The following RYR2 variants were observed in gnomAD, a reference collection of about 807,000 sequenced individuals.
The protein encoded by RYR2 is cardiac muscle ryanodine receptor-calcium release channel.
A neutral mutation model predicts 601.1 loss-of-function variants in RYR2; 227 were observed. The ratio of observed to expected loss-of-function variants is 0.38; its 90% CI spans 0.34 to 0.42. The LOEUF (loss-of-function observed/expected upper bound fraction) is 0.42. Ranked by LOEUF, RYR2 falls within the 10% of genes least tolerant of loss-of-function variation. The probability of loss-of-function intolerance (pLI) is 1.00; values close to 1 mark genes in which losing one functional copy is unlikely to be tolerated. For missense variants in RYR2, 4,646 were observed against 6,156.5 expected, an observed-to-expected ratio of 0.75 and a Z score of 8.21; for synonymous variants, 2,223 against 2,175.1, an observed-to-expected ratio of 1.02 and a Z score of -0.61.
chr1:237,830,531 C>A lies in RYR2; in HGVS notation c.14657C>A (p.Thr4886Asn). 1 of 1,590,666 alleles carries A rather than the reference C, an allele frequency of 6.3e-7. No individual in the cohort carries two copies. The highest frequency in any genetic ancestry group is 8.6e-7 in the Non-Finnish European group (1 of 1,158,708). The change falls in exon 103 of 105, where the codon ACC (threonine) becomes AAC (asparagine). Residue 4886 changes from threonine (T) to asparagine (N), a missense_variant and splice_region_variant. Thr to Asn is a moderately conservative substitution (Grantham distance 65). Transcript: ENST00000366574. ...QQEQVKEDME[T>N]KCFICGIGND... is the part of the protein sequence containing the mutation. ...TTAATATTTCCCTTTGTTTTCTAGA[C>A]CAAATGCTTCATCTGTGGGATAGGC...
intron 58 of RYR2, among the ~76,000 whole-genome samples, chr1:237,671,073 T>C (rs1257588328): frequency 1.3e-5 from 2 of 152,182 alleles, no homozygotes; most frequent in African/African-American, 4.8e-5. Context: ...TATTCTGTAG[T>C]TGGGAAACTA....
chr1:237,169,622 T>C (rs999377099), intron 1 of RYR2, among the ~76,000 whole-genome samples: 4 of 152,140 alleles, frequency 2.6e-5, no homozygotes, highest in Non-Finnish European at 4.4e-5. Flanking sequence ...AAATACACTT[T>C]TAATTTCTTG....
chr1:237,492,858 A>AGGAAGGAAGGAAGGAAGGAC (rs1663541411), intron 18 of RYR2, 96 bp from the exon 19 acceptor site: 1 of 1,219,876 alleles, frequency 8.2e-7, no homozygotes, highest in Admixed American at 2.5e-5. Context: ...GAAGGAAGGA[A>AGGAAGGAAGGAAGGAAGGAC]GGAAGGAAGG....
chr1:237,817,863 T>C (rs1213122984), intron 100 of RYR2, among the ~76,000 whole-genome samples: 1 of 152,178 alleles, frequency 6.6e-6, no homozygotes, highest in African/African-American at 2.4e-5. Flanking sequence ...AGGTTTTGAA[T>C]TGATGGGTGA....
intron 1 of RYR2, among the ~76,000 whole-genome samples, chr1:237,068,943 G>A (rs1663981816): frequency 6.6e-6 from 1 of 152,084 alleles, no homozygotes; most frequent in African/African-American, 2.4e-5. Context: ...AAATCTTCCT[G>A]TATCTCTTAA....
intron 80 of RYR2, among the ~76,000 whole-genome samples, chr1:237,752,740 T>A (rs1373939984): frequency 6.6e-6 from 1 of 152,168 alleles, no homozygotes; most frequent in Non-Finnish European, 1.5e-5. Context: ...TCCAATTAAA[T>A]CTTCTATTTT....
chr1:237,417,217 A>G (rs1023301269), intron 11 of RYR2, 94 bp downstream of exon 11: 4 of 921,076 alleles, frequency 4.3e-6, no homozygotes, highest in South Asian at 3.0e-5. Context: ...TGAAAACTAC[A>G]GCAAGCAAGC....
intron 24 of RYR2, among the ~76,000 whole-genome samples, chr1:237,518,627 A>G (rs969678773): frequency 1.3e-4 from 20 of 152,324 alleles, no homozygotes; most frequent in African/African-American, 4.1e-4. Context: ...TCCATTATGT[A>G]TATATGCCAC....
intron 1 of RYR2, among the ~76,000 whole-genome samples, chr1:237,105,449 C>T (rs909371801): frequency 6.6e-6 from 1 of 152,132 alleles, no homozygotes; most frequent in African/African-American, 2.4e-5. Flanking sequence ...GTAATCCCAG[C>T]ATTTTGGAAG....
intron 21 of RYR2, 21 bp from the exon 22 acceptor site, chr1:237,503,268 T>C: frequency 6.4e-7 from 1 of 1,573,534 alleles, no homozygotes; most frequent in African/African-American, 1.3e-5. Flanking sequence ...TAAAATTGAC[T>C]CTAACGTGCA....
intron 29 of RYR2, among the ~76,000 whole-genome samples, chr1:237,584,736 T>C (rs35005253): frequency 3.4e-5 from 5 of 148,894 alleles, no homozygotes; most frequent in Non-Finnish European, 7.4e-5. Flanking sequence ...TCATAGTTCA[T>C]TGCAGTCTTC....
At chr1:237,258,189 G>T (rs1387372765) in intron 1 of RYR2, among the ~76,000 whole-genome samples, 1 of 148,536 alleles carries the variant, frequency 6.7e-6, no homozygotes, top group African/African-American at 2.5e-5. Flanking sequence ...AAAAAAGAAA[G>T]AAAAAGAAAA....
chr1:237,687,014 A>G (rs1686452937), intron 62 of RYR2, among the ~76,000 whole-genome samples: 1 of 152,208 alleles, frequency 6.6e-6, no homozygotes, highest in Non-Finnish European at 1.5e-5. Flanking sequence ...CCGAAGCACC[A>G]TACGTCTGTT....
intron 80 of RYR2, among the ~76,000 whole-genome samples, chr1:237,755,327 C>T (rs1692860579): frequency 1.3e-5 from 2 of 152,150 alleles, no homozygotes; most frequent in African/African-American, 4.8e-5. Context: ...AGCTGTCATT[C>T]TGGCTACCTC....
In RYR2 at chr1:237,364,382, C is replaced by T. The variant is rs1700031347; in HGVS notation, c.309+10C>T. 1 of 1,504,610 alleles carries T rather than the reference C, an allele frequency of 6.6e-7. No homozygotes were observed. 93.2% of individuals were successfully genotyped at this position (1,504,610 alleles called of 1,614,324 possible). On this transcript the variant is annotated intron_variant, in intron 5 of 104. Coordinates refer to ENST00000366574, the MANE Select transcript of RYR2 (RefSeq NM_001035.3). ...GAAATTCATGATGAAGGTAAGACAT[C>T]TTAATATATATGCTATGTATATATA...
intron 27 of RYR2, among the ~76,000 whole-genome samples, 195 bp from the exon 28 acceptor site, chr1:237,566,372 T>C (rs1672085004): frequency 6.6e-6 from 1 of 152,160 alleles, no homozygotes; most frequent in Non-Finnish European, 1.5e-5. Flanking sequence ...ACCCAGCTGG[T>C]CTGACAGTGG....
intron 1 of RYR2, among the ~76,000 whole-genome samples, chr1:237,244,393 T>C (rs1255258962): frequency 1.3e-5 from 2 of 152,094 alleles, no homozygotes; most frequent in Non-Finnish European, 2.9e-5. Flanking sequence ...AGCCCCCAAA[T>C]GGCATGTTCA....
At chr1:237,314,081 T>G (rs1201058137) in intron 2 of RYR2, among the ~76,000 whole-genome samples, 3 of 149,034 alleles carry the variant, frequency 2.0e-5, no homozygotes, top group Admixed American at 6.7e-5. Flanking sequence ...TTTTTTTTTT[T>G]TGAGATGGAG....
chr1:237,239,735 CTAAA>C (rs1033123625), intron 1 of RYR2, among the ~76,000 whole-genome samples: 27 of 152,176 alleles, frequency 1.8e-4, no homozygotes, highest in Non-Finnish European at 2.5e-4. Flanking sequence ...ACCTCACAGC[CTAAA>C]TAATTTCTTT....
Sources: gnomAD v4.1 joint callset for allele counts (sites outside exome capture counted in the v4.1 genomes callset) on GRCh38, gnomAD v4.1.1 for gene constraint, MANE v1.5 for transcripts, NCBI Gene and HGNC (gene_info 2026-07-23, HGNC 2026-07-21) for gene names.